KRTAP5-5: variants seen among roughly 807,000 people sequenced by gnomAD.
KRTAP5-5 encodes the protein keratin associated protein 5-5.
Under a neutral mutation model 2.8 loss-of-function variants are expected in KRTAP5-5, and 1 was observed. That is an observed-to-expected ratio of 0.35 (90% CI 0.13 to 1.67). The LOEUF is 1.67. Ranked by LOEUF, KRTAP5-5 falls within the 40% of genes most tolerant of loss-of-function variation. The pLI, the probability that KRTAP5-5 is intolerant of heterozygous loss-of-function variation, is 0.35. For synonymous variants in KRTAP5-5, 83 were observed against 110.6 expected (o/e 0.75, Z 1.57); for missense variants, 134 against 270.9 (o/e 0.49, Z 3.55).
exon 1 of KRTAP5-5, chr11:1,630,658 A>T (rs1849750009): frequency 4.1e-6 from 6 of 1,477,688 alleles, no homozygotes; most frequent in African/African-American, 1.4e-5. Flanking sequence ...CTGTGTCCTC[A>T]CTGGCTTCAT....
At chr11:1,630,622 G>C in exon 1 of KRTAP5-5, 1 of 1,592,876 alleles carries the variant, frequency 6.3e-7, no homozygotes. Flanking sequence ...CCTTGCCCTG[G>C]GTTCTCTGGT....
chr11:1,630,626 C>G, exon 1 of KRTAP5-5: 5 of 1,584,968 alleles, frequency 3.2e-6, no homozygotes, highest in Non-Finnish European at 3.5e-6. Flanking sequence ...GCCCTGGGTT[C>G]TCTGGTGCTC....
downstream of KRTAP5-5, chr11:1,630,708 C>T: frequency 9.9e-7 from 1 of 1,006,326 alleles, no homozygotes. Flanking sequence ...CTGAGGACCC[C>T]TTCTGGCTCA....
At chr11:1,630,468 T>A (rs370405113) in exon 1 of KRTAP5-5, 1 of 1,595,674 alleles carries the variant, frequency 6.3e-7, no homozygotes, top group Admixed American at 1.7e-5. Context: ...AGGCTGTGGA[T>A]CATCCTGCTG....
At chr11:1,630,009 G>A (rs1849728778) in exon 1 of KRTAP5-5, 2 of 1,474,900 alleles carry the variant, frequency 1.4e-6, no homozygotes, top group African/African-American at 1.9e-5. Flanking sequence ...GGGCTGTGGG[G>A]GATGTGGCTC....
chr11:1,630,847 G>A, downstream of KRTAP5-5: 1 of 574,850 alleles, frequency 1.7e-6, no homozygotes, highest in East Asian at 3.0e-5. Flanking sequence ...TTTCAGGAGT[G>A]TGATCGACCC....
exon 1 of KRTAP5-5, chr11:1,629,931 T>C (rs71454094): frequency 0.38 from 266,823 of 699,666 alleles, 70,819 homozygotes; most frequent in African/African-American, 0.49. Context: ...CTGTGGAGGC[T>C]GTGGCTCTGG....
Position 1,629,893 on chromosome 11 carries a change from G to A in KRTAP5-5, c.53G>A (p.Gly18Asp), listed in dbSNP as rs761443872. ...TGTGGCTCCGGCTGTGGAGGCCGTG[G>A]CTCCGGCTGTGGGGGCTGTGGCTCC... The change falls in exon 1 of 1, where the codon GGC becomes GAC. Residue 18 changes from glycine to aspartate, a missense_variant. By Grantham distance (94) the Gly-to-Asp change is moderately conservative (BLOSUM62 -1). Transcript: ENST00000399676. 3 of 1,609,768 alleles carry A rather than the reference G, an allele frequency of 1.9e-6. No individual in the cohort carries two copies. In the African/African-American group the frequency reaches 4.0e-5, roughly 22 times the overall value.
At chr11:1,630,687 C>T (rs4752769) in exon 1 of KRTAP5-5, 699,140 of 1,212,080 alleles carry the variant, frequency 0.58, 204,481 homozygotes, top group African/African-American at 0.72. Context: ...CACCAGTGCT[C>T]CCGAAACTGA....
Position 1,630,557 on chromosome 11 carries a change from C to T in KRTAP5-5, c.*3C>T, listed in dbSNP as rs1442186576. On this transcript the variant is annotated 3_prime_UTR_variant, in exon 1 of 1. Coordinates refer to ENST00000399676, the Ensembl canonical transcript of KRTAP5-5. Reference sequence around the variant, plus strand: ...TGTGCTGCCAGTGTAAGATCTGAGGCTCTGACTGCAGACTGCAGGTGGCCT... The same window carrying T: ...TGTGCTGCCAGTGTAAGATCTGAGGTTCTGACTGCAGACTGCAGGTGGCCT... 3 of 1,611,578 alleles carry T rather than the reference C, an allele frequency of 1.9e-6. No individual in the cohort carries two copies. In the African/African-American group the frequency reaches 4.0e-5, roughly 22 times the overall value.
At chr11:1,630,772 C>A, downstream of KRTAP5-5, 1 of 687,112 alleles carries the variant, frequency 1.5e-6, no homozygotes, top group African/African-American at 1.8e-5. Context: ...CATTTAAGAT[C>A]CAAAGCGGCC....
exon 1 of KRTAP5-5, chr11:1,630,608 G>T: frequency 3.1e-6 from 5 of 1,605,670 alleles, no homozygotes; most frequent in Non-Finnish European, 4.3e-6. Flanking sequence ...CGGCTGCCCA[G>T]CTTCCTTGCC....
chr11:1,629,863 G>C lies in KRTAP5-5; in HGVS notation c.23G>C (p.Gly8Ala), dbSNP rs1475464800. The stretch of plus-strand genomic sequence containing the variant: ...ACCATGGGCTGCTGTGGCTGCTCCG[G>C]AGGCTGTGGCTCCGGCTGTGGAGGC... Residue 8 changes from glycine (G) to alanine (A), a missense_variant, in exon 1 of 1, where the codon GGA (glycine) becomes GCA (alanine). Gly to Ala is a moderately conservative substitution (Grantham distance 60). Coordinates refer to ENST00000399676, the Ensembl canonical transcript of KRTAP5-5. 1.9e-6 allele frequency: 3 copies of C among 1,612,268 alleles called. No individual in the cohort carries two copies. In the Admixed American group the frequency reaches 5.0e-5, roughly 27 times the overall value.
exon 1 of KRTAP5-5, chr11:1,629,794 C>G: frequency 6.2e-7 from 1 of 1,611,122 alleles, no homozygotes; most frequent in South Asian, 1.1e-5. Flanking sequence ...CCTGCACCTC[C>G]CTCTCACCTG....
exon 1 of KRTAP5-5, chr11:1,629,781 A>T: frequency 1.2e-6 from 2 of 1,610,776 alleles, no homozygotes. Flanking sequence ...AGGGGGCTCC[A>T]CACCTGCACC....
At chr11:1,630,349 G>A (rs1849741446) in exon 1 of KRTAP5-5, 1 of 1,612,192 alleles carries the variant, frequency 6.2e-7, no homozygotes, top group African/African-American at 1.3e-5. Context: ...TCAGGCTGTG[G>A]GTCATCCTGC....
At chr11:1,630,251 GGGC>G in exon 1 of KRTAP5-5, 1 of 1,083,906 alleles carries the variant, frequency 9.2e-7, no homozygotes, top group Non-Finnish European at 1.3e-6. Flanking sequence ...GGTCCAAGGG[GGGC>G]TGTGGCTCCT....
At chr11:1,630,313 G>A in exon 1 of KRTAP5-5, 1 of 1,613,380 alleles carries the variant, frequency 6.2e-7, no homozygotes, top group Non-Finnish European at 8.5e-7. Context: ...TCCCAGTCCA[G>A]CTGCTGCAAG....
exon 1 of KRTAP5-5, chr11:1,629,904 G>T (rs753537381): frequency 1.2e-6 from 2 of 1,609,002 alleles, no homozygotes; most frequent in South Asian, 1.1e-5. Context: ...CTCCGGCTGT[G>T]GGGGCTGTGG....
Sources: gnomAD v4.1 joint callset for allele counts on GRCh38, gnomAD v4.1.1 for gene constraint, MANE v1.5 for transcripts, NCBI Gene and HGNC (gene_info 2026-07-23, HGNC 2026-07-21) for gene names.